PKHD1: variants seen among roughly 807,000 people sequenced by gnomAD.
The protein encoded by PKHD1 is fibrocystin.
A neutral mutation model predicts 412.0 loss-of-function variants in PKHD1; 291 were observed. That is an observed-to-expected ratio of 0.71 (90% CI 0.64 to 0.78). The LOEUF (loss-of-function observed/expected upper bound fraction) is 0.78, where lower values mean the gene tolerates loss of function less well. Among genes scored for constraint, PKHD1 ranks in the 30% least tolerant of loss-of-function variants. PKHD1 has a pLI of 0.00. For synonymous variants in PKHD1, 1,777 were observed against 1,821.5 expected (o/e 0.98, Z 0.62); for missense variants, 4,825 against 4,950.7 (o/e 0.97, Z 0.76).
chr6:51,947,153 T>C (rs183543384), intron 36 of PKHD1, among the ~76,000 whole-genome samples: 89 of 152,318 alleles, frequency 5.8e-4, no homozygotes, highest in Non-Finnish European at 1.1e-3. Flanking sequence ...GGCAACCACA[T>C]TGGTGAATCT....
At chr6:51,703,836 A>C (rs1334623277) in intron 60 of PKHD1, among the ~76,000 whole-genome samples, 1 of 152,068 alleles carries the variant, frequency 6.6e-6, no homozygotes, top group African/African-American at 2.4e-5. Flanking sequence ...AAGGATGCAG[A>C]TGGTACACAT....
chr6:51,782,878 C>T (rs1792252585), intron 53 of PKHD1, among the ~76,000 whole-genome samples: 1 of 152,150 alleles, frequency 6.6e-6, no homozygotes, highest in South Asian at 2.1e-4. Context: ...CTTCTTATTA[C>T]TTAATCATCC....
At chr6:51,725,383 T>C (rs1346261783) in intron 60 of PKHD1, among the ~76,000 whole-genome samples, 2 of 152,178 alleles carry the variant, frequency 1.3e-5, no homozygotes, top group South Asian at 2.1e-4. Context: ...TGCTCAGAAA[T>C]TGAAACCTTG....
intron 36 of PKHD1, among the ~76,000 whole-genome samples, chr6:51,949,320 A>T (rs960210615): frequency 6.6e-6 from 1 of 152,210 alleles, no homozygotes; most frequent in Non-Finnish European, 1.5e-5. Flanking sequence ...GGAGAAAAGG[A>T]ATCATCCATT....
At position 52,069,440 on chromosome 6, in the gene PKHD1, G is replaced by A. The variant is rs1406014303; in HGVS notation, c.778+17C>T. 1.9e-6 allele frequency: 3 copies of A among 1,580,206 alleles called. No homozygotes were observed. The highest frequency in any genetic ancestry group is 2.6e-6 in the Non-Finnish European group (3 of 1,149,038). ...TGAGGCACAAGGGAAGGGGTACTTG[G>A]TGAAGGGGGATAGTACCTGAGTGTG... On this transcript the variant is annotated intron_variant, in intron 11 of 66. Transcript: ENST00000371117.
chr6:52,055,865 C>A, intron 18 of PKHD1, 136 bp from the exon 19 acceptor site: 1 of 823,220 alleles, frequency 1.2e-6, no homozygotes, highest in East Asian at 2.7e-5. Context: ...CCCATGCAAC[C>A]TTGAGTAAGT....
rs192999844 is a variant in PKHD1, at chr6:51,666,147, T to C, written c.10157-6178A>G. On this transcript the variant is annotated intron_variant, in intron 60 of 66. Coordinates refer to ENST00000371117, the MANE Select transcript of PKHD1 (RefSeq NM_138694.4). Reference sequence around the variant, plus strand: ...AGTCTTTCTGTTACTTTAGTGCTTATACAATGTGAGGGAACCATTCCATAA... The same window carrying C: ...AGTCTTTCTGTTACTTTAGTGCTTACACAATGTGAGGGAACCATTCCATAA... Among the ~76,000 whole-genome samples the C allele has an allele frequency of 1.2e-3, 180 of 152,280 alleles. 1 individual carries two copies. The highest frequency in any genetic ancestry group is 6.8e-3 in the Middle Eastern group (2 of 294).
chr6:51,872,942 A>C (rs1171399766), intron 46 of PKHD1, among the ~76,000 whole-genome samples: 2 of 141,204 alleles, frequency 1.4e-5, no homozygotes, highest in Non-Finnish European at 3.0e-5. Flanking sequence ...ATGAGGAATT[A>C]AGCCAGAAAA....
intron 50 of PKHD1, among the ~76,000 whole-genome samples, chr6:51,839,967 T>C (rs565581539): frequency 6.6e-6 from 1 of 152,024 alleles, no homozygotes; most frequent in Non-Finnish European, 1.5e-5. Flanking sequence ...CTGCCTGCCC[T>C]GGACCCAAGC....
chr6:51,737,755 A>G (rs1184328148), intron 60 of PKHD1, among the ~76,000 whole-genome samples: 1 of 150,932 alleles, frequency 6.6e-6, no homozygotes, highest in Non-Finnish European at 1.5e-5. Flanking sequence ...TGTGTGTTTA[A>G]CTCAAAGGTC....
chr6:51,983,929 G>A (rs1436004235), intron 35 of PKHD1, among the ~76,000 whole-genome samples: 1 of 152,230 alleles, frequency 6.6e-6, no homozygotes, highest in African/African-American at 2.4e-5. Flanking sequence ...TGTGATGTCT[G>A]TTTGGTTTTA....
At chr6:51,708,525 T>A (rs1413945693) in intron 60 of PKHD1, among the ~76,000 whole-genome samples, 1 of 152,228 alleles carries the variant, frequency 6.6e-6, no homozygotes, top group Non-Finnish European at 1.5e-5. Context: ...TCCCAACTCC[T>A]TAACATGGGT....
intron 60 of PKHD1, 41 bp from the exon 61 acceptor site, chr6:51,660,010 T>TA (rs1208858621): frequency 8.4e-7 from 1 of 1,196,462 alleles, no homozygotes. Context: ...ATATGAATTA[T>TA]AATCTGTCAA....
At chr6:51,767,935 A>G (rs1225773615) in intron 55 of PKHD1, among the ~76,000 whole-genome samples, 1 of 152,130 alleles carries the variant, frequency 6.6e-6, no homozygotes, top group Non-Finnish European at 1.5e-5. Context: ...TCCCACCAAC[A>G]GTGTAAAAGT....
At chr6:51,981,333 C>G (rs1282321789) in intron 35 of PKHD1, among the ~76,000 whole-genome samples, 4 of 51,916 alleles carry the variant, frequency 7.7e-5, no homozygotes, top group Admixed American at 2.1e-4. Flanking sequence ...CTCTCCCTCT[C>G]CCTCTCCCTC....
At chr6:51,633,411 A>T (rs1768163033) in intron 64 of PKHD1, among the ~76,000 whole-genome samples, 1 of 152,220 alleles carries the variant, frequency 6.6e-6, no homozygotes. Flanking sequence ...AAAAACACAT[A>T]CATAAATGTT....
At chr6:51,766,576 A>C (rs530346013) in intron 55 of PKHD1, among the ~76,000 whole-genome samples, 1 of 151,656 alleles carries the variant, frequency 6.6e-6, no homozygotes, top group Non-Finnish European at 1.5e-5. Flanking sequence ...TGTGGCTTAC[A>C]TATTCAAACC....
chr6:51,775,730 G>T, intron 54 of PKHD1, 78 bp downstream of exon 54: 1 of 764,584 alleles, frequency 1.3e-6, no homozygotes. Context: ...TCTATGAATA[G>T]TATTTCTCTA....
chr6:51,757,605 A>G (rs1342526800), intron 55 of PKHD1, among the ~76,000 whole-genome samples: 1 of 152,008 alleles, frequency 6.6e-6, no homozygotes, highest in Non-Finnish European at 1.5e-5. Context: ...ACCACCATCA[A>G]TTTGACATAA....
Sources: gnomAD v4.1 joint callset for allele counts (sites outside exome capture counted in the v4.1 genomes callset) on GRCh38, gnomAD v4.1.1 for gene constraint, MANE v1.5 for transcripts, NCBI Gene and HGNC (gene_info 2026-07-23, HGNC 2026-07-21) for gene names.